Variants in TMEM217 observed in about 807,000 individuals in gnomAD.
TMEM217 encodes chromosome 6 open reading frame 128.
For missense variants in TMEM217, 204 were observed against 248.8 expected, an observed-to-expected ratio of 0.82 and a Z score of 1.21; for synonymous variants, 76 against 88.3, an observed-to-expected ratio of 0.86 and a Z score of 0.78.
chr6:37,234,820 A>G (rs1764405710), intron 1 of TMEM217, among the ~76,000 whole-genome samples: 1 of 152,208 alleles, frequency 6.6e-6, no homozygotes, highest in Non-Finnish European at 1.5e-5. Flanking sequence ...AGAAGAACTG[A>G]AAGTGGTTAC....
At chr6:37,218,237 T>C in exon 2 of TMEM217, 1 of 1,323,606 alleles carries the variant, frequency 7.6e-7, no homozygotes, top group African/African-American at 1.5e-5. Context: ...TGGCGCAATC[T>C]CGGCTCACTG....
At chr6:37,216,197 G>T (rs1385215674), downstream of TMEM217, among the ~76,000 whole-genome samples, 1 of 152,064 alleles carries the variant, frequency 6.6e-6, no homozygotes, top group Admixed American at 6.5e-5. Flanking sequence ...TCCTGCCTCA[G>T]CCTCCCGAGT....
In TMEM217 at chr6:37,255,069, C is replaced by T. The variant is rs368685834; in HGVS notation, c.-12+2499G>A. On this transcript the variant is annotated intron_variant, in intron 1 of 1. Coordinates refer to ENST00000357219, the Ensembl canonical transcript of TMEM217. The stretch of plus-strand genomic sequence containing the variant: ...GATTGCATGCCCACCCGCCACTCAC[C>T]TCCTGCTGTGCGGCCTGGTTCCTAA... 1.8e-4 allele frequency among the ~76,000 whole-genome samples: 27 copies of T among 152,316 alleles called. No individual in the cohort carries two copies. The East Asian group carries it at 4.2e-3, about 24-fold the overall frequency.
chr6:37,233,164 G>C (rs1583462462), intron 1 of TMEM217, among the ~76,000 whole-genome samples: 1 of 149,660 alleles, frequency 6.7e-6, no homozygotes, highest in African/African-American at 2.5e-5. Context: ...CCCACCTACT[G>C]TTTCTCTGGT....
intron 1 of TMEM217, among the ~76,000 whole-genome samples, chr6:37,222,821 G>A (rs1763610905): frequency 6.6e-6 from 1 of 152,194 alleles, no homozygotes; most frequent in African/African-American, 2.4e-5. Flanking sequence ...CTCAGAAGGG[G>A]CCGGGCTTCC....
intron 1 of TMEM217, among the ~76,000 whole-genome samples, chr6:37,252,259 A>AC (rs1765437489): frequency 2.6e-5 from 4 of 152,200 alleles, no homozygotes; most frequent in Non-Finnish European, 5.9e-5. Context: ...CATGTAACAT[A>AC]AAGTTCAAAT....
At chr6:37,236,707 C>A (rs1181960697) in intron 1 of TMEM217, among the ~76,000 whole-genome samples, 6 of 151,954 alleles carry the variant, frequency 3.9e-5, no homozygotes, top group African/African-American at 1.5e-4. Flanking sequence ...CAAATTACCC[C>A]AAAACTTAGT....
chr6:37,212,919 A>G (rs1762987767), downstream of TMEM217: 2 of 1,549,718 alleles, frequency 1.3e-6, no homozygotes, highest in African/African-American at 1.4e-5. Flanking sequence ...ACTGGGTGGT[A>G]TTAAGGACAG....
chr6:37,229,335 GTTTTTT>G (rs372385535), intron 1 of TMEM217, among the ~76,000 whole-genome samples: 11 of 74,364 alleles, frequency 1.5e-4, no homozygotes, highest in South Asian at 1.3e-3. Context: ...GCAACTTTCA[GTTTTTT>G]TTTTTTTTTT....
At chr6:37,243,741 G>T (rs1012988456) in intron 1 of TMEM217, among the ~76,000 whole-genome samples, 2 of 152,184 alleles carry the variant, frequency 1.3e-5, no homozygotes, top group African/African-American at 4.8e-5. Context: ...TGGGATTACA[G>T]GCATGCACCA....
intron 1 of TMEM217, among the ~76,000 whole-genome samples, chr6:37,241,480 C>T (rs9918398): frequency 0.068 from 10,312 of 152,142 alleles, 1,140 homozygotes; most frequent in African/African-American, 0.23. Flanking sequence ...CTCCTCCAAC[C>T]TCAGTAAGGA....
chr6:37,240,675 C>T (rs927888137), intron 1 of TMEM217, among the ~76,000 whole-genome samples: 3 of 151,954 alleles, frequency 2.0e-5, no homozygotes, highest in Non-Finnish European at 2.9e-5. Context: ...AACTTGAGGC[C>T]GGCTATCACA....
At chr6:37,227,741 G>A (rs754247982) in intron 1 of TMEM217, among the ~76,000 whole-genome samples, 3 of 151,814 alleles carry the variant, frequency 2.0e-5, no homozygotes, top group Non-Finnish European at 2.9e-5. Flanking sequence ...GAGCCATTGC[G>A]CTCAGCCTAA....
At chr6:37,220,916 T>C (rs1393992227) in intron 1 of TMEM217, among the ~76,000 whole-genome samples, 5 of 152,090 alleles carry the variant, frequency 3.3e-5, no homozygotes, top group Admixed American at 6.5e-5. Flanking sequence ...TATTATAGTA[T>C]AATTCATGCA....
chr6:37,234,138 C>T (rs1249307743), intron 1 of TMEM217, among the ~76,000 whole-genome samples: 3 of 145,364 alleles, frequency 2.1e-5, no homozygotes, highest in Non-Finnish European at 3.0e-5. Context: ...CTTGCTCTGT[C>T]ACCCAGGATG....
chr6:37,224,574 G>A (rs894894983), intron 1 of TMEM217, among the ~76,000 whole-genome samples: 1 of 151,444 alleles, frequency 6.6e-6, no homozygotes, highest in Non-Finnish European at 1.5e-5. Flanking sequence ...CTCCAGGCTG[G>A]GTGACAGAGC....
chr6:37,227,329 C>T (rs1279164110), intron 1 of TMEM217, among the ~76,000 whole-genome samples: 1 of 152,166 alleles, frequency 6.6e-6, no homozygotes, highest in African/African-American at 2.4e-5. Flanking sequence ...ATGTTCCTTT[C>T]TCCTTTCTTC....
At position 37,232,394 on chromosome 6, in the gene TMEM217, T is replaced by TG. The variant is rs1169857854; in HGVS notation, c.-11-13354_-11-13353insC. On this transcript the variant is annotated intron_variant, in intron 1 of 1. Coordinates refer to ENST00000357219, the Ensembl canonical transcript of TMEM217. ...TTTTCTGTTTTGTTTTGTTTTGTTT[T>TG]CTTTTTTTTGAGACGGAGTCTCGCT... is the stretch of plus-strand genomic sequence containing the variant. Among the ~76,000 whole-genome samples, 413 of 152,126 alleles carry TG rather than the reference T, an allele frequency of 2.7e-3. 2 individuals are homozygous for TG. The highest frequency in any genetic ancestry group is 9.2e-3 in the African/African-American group (381 of 41,464).
chr6:37,227,134 TG>T (rs1382998587), intron 1 of TMEM217, among the ~76,000 whole-genome samples: 3 of 152,214 alleles, frequency 2.0e-5, no homozygotes, highest in Admixed American at 1.3e-4. Flanking sequence ...AACCTACTTG[TG>T]TCTTGTGGGT....
Sources: allele counts gnomAD v4.1 joint callset (sites outside exome capture counted in the v4.1 genomes callset), GRCh38; gene constraint gnomAD v4.1.1; transcripts MANE v1.5; gene names NCBI Gene and HGNC (gene_info 2026-07-23, HGNC 2026-07-21).